Variants in MCCC2 observed in about 807,000 individuals in gnomAD.
MCCC2 encodes methylcrotonoyl-CoA carboxylase beta chain, mitochondrial.
In MCCC2, 52 loss-of-function variants were observed where a neutral mutation model predicts 77.2. The ratio of observed to expected loss-of-function variants is 0.67; its 90% CI spans 0.54 to 0.85. The LOEUF (loss-of-function observed/expected upper bound fraction) is 0.85, where lower values mean the gene tolerates loss of function less well. MCCC2 is among the 40% of genes least tolerant of loss of function. The probability of loss-of-function intolerance (pLI) is 0.00; values close to 1 mark genes in which losing one functional copy is unlikely to be tolerated. For missense variants in MCCC2, 682 were observed against 703.2 expected (o/e 0.97, Z 0.34); for synonymous variants, 253 against 248.4 (o/e 1.02, Z -0.18).
At chr5:71,591,803 A>C (rs1490377437) in intron 1 of MCCC2, among the ~76,000 whole-genome samples, 1 of 152,176 alleles carries the variant, frequency 6.6e-6, no homozygotes, top group Non-Finnish European at 1.5e-5. Context: ...CCCAGGCTGG[A>C]GTACAATGGC....
intron 10 of MCCC2, among the ~76,000 whole-genome samples, chr5:71,636,879 G>T (rs1283020064): frequency 2.6e-5 from 4 of 151,582 alleles, no homozygotes; most frequent in Non-Finnish European, 1.5e-5. Context: ...GAGTAGCTGG[G>T]ATTACAGGCA....
intron 7 of MCCC2, among the ~76,000 whole-genome samples, chr5:71,629,304 T>C (rs920042394): frequency 1.3e-5 from 2 of 152,060 alleles, no homozygotes; most frequent in African/African-American, 4.8e-5. Flanking sequence ...GAAAGTAGAT[T>C]AGTTGTTGCC....
intron 6 of MCCC2, among the ~76,000 whole-genome samples, chr5:71,623,503 A>C (rs1473409724): frequency 6.6e-6 from 1 of 152,182 alleles, no homozygotes; most frequent in Non-Finnish European, 1.5e-5. Flanking sequence ...GACTTCATCA[A>C]AGTGAGAGAG....
chr5:71,587,348 C>G lies in MCCC2; in HGVS notation c.-78C>G. 1 of 1,509,786 alleles carries G rather than the reference C, an allele frequency of 6.6e-7. No individual in the cohort carries two copies. The highest frequency in any genetic ancestry group is 2.5e-5 in the East Asian group (1 of 40,318). 93.5% of individuals were successfully genotyped at this position (1,509,786 alleles called of 1,614,324 possible). ...TGCAAGGACCTGAGCTCAGCTTCCG[C>G]CCCAGCCAGGGAAGCGGCAGGGGAA... On this transcript the variant is annotated 5_prime_UTR_variant, in exon 1 of 17. Transcript: ENST00000340941.
chr5:71,633,125 A>ATTTTTT lies in MCCC2; in HGVS notation c.803+941_803+942insTTTTTT, dbSNP rs1398247533. Among the ~76,000 whole-genome samples, 27 of 42,876 alleles carry ATTTTTT rather than the reference A, an allele frequency of 6.3e-4. 1 individual carries two copies. The South Asian group carries it at 7.9e-3, about 13-fold the overall frequency. 28.1% of individuals were successfully genotyped at this position (42,876 alleles called of 152,430 possible). On this transcript the variant is annotated intron_variant, in intron 8 of 16. Transcript: ENST00000340941. ...TATATATATATATATATATATATATATATATATTTTTATTTTTTGTAGAAA... is the reference window on the plus strand; with the variant it reads ...TATATATATATATATATATATATATATTTTTTTATATATTTTTATTTTTTGTAGAAA...
intron 1 of MCCC2, among the ~76,000 whole-genome samples, chr5:71,590,042 C>G (rs1424004134): frequency 6.6e-6 from 1 of 152,154 alleles, no homozygotes; most frequent in Non-Finnish European, 1.5e-5. Context: ...CAGGCACTAA[C>G]CTCTGTGGTT....
chr5:71,622,646 T>A (rs925966389), intron 6 of MCCC2, among the ~76,000 whole-genome samples: 12 of 152,218 alleles, frequency 7.9e-5, no homozygotes, highest in African/African-American at 2.4e-4. Flanking sequence ...GTTCTGGACA[T>A]TTCATGTAAA....
chr5:71,646,250 C>T lies in MCCC2; in HGVS notation c.1189C>T (p.Pro397Ser). ...FVQLCCQRNI[P>S]LLFLQNITGF... is the part of the protein sequence containing the mutation. Reference sequence around the variant, plus strand: ...CCAGTTATGCTGCCAAAGAAATATTCCTCTGCTGTTCCTTCAAAACATTAC... The same window carrying T: ...CCAGTTATGCTGCCAAAGAAATATTTCTCTGCTGTTCCTTCAAAACATTAC... Residue 397 changes from proline (P) to serine (S), a missense_variant, in exon 13 of 17, where the codon CCT becomes TCT. By Grantham distance (74) the Pro-to-Ser change is moderately conservative. Coordinates refer to ENST00000340941, the MANE Select transcript of MCCC2 (RefSeq NM_022132.5). The T allele has an allele frequency of 6.2e-7, 1 of 1,613,740 alleles. No individual in the cohort carries two copies. Among genetic ancestry groups the T allele is most frequent in the East Asian group, 2.2e-5 (1 of 44,868 alleles).
intron 4 of MCCC2, among the ~76,000 whole-genome samples, chr5:71,600,362 C>T (rs1454678516): frequency 6.6e-6 from 1 of 151,816 alleles, no homozygotes; most frequent in Non-Finnish European, 1.5e-5. Context: ...GTGTCTCGCT[C>T]TGTTGCCTAG....
At chr5:71,594,532 A>AG (rs1234657284) in intron 2 of MCCC2, among the ~76,000 whole-genome samples, 1 of 151,152 alleles carries the variant, frequency 6.6e-6, no homozygotes, top group Admixed American at 6.6e-5. Flanking sequence ...CGTCTCAAAA[A>AG]AAAAAAAAAA....
chr5:71,651,679 G>GGA (rs1376347824), intron 15 of MCCC2, among the ~76,000 whole-genome samples: 1 of 152,142 alleles, frequency 6.6e-6, no homozygotes, highest in African/African-American at 2.4e-5. Flanking sequence ...TCGGAACTCT[G>GGA]GAGACTTACA....
chr5:71,605,375 G>A (rs1333815214), intron 6 of MCCC2, among the ~76,000 whole-genome samples: 3 of 151,834 alleles, frequency 2.0e-5, no homozygotes, highest in African/African-American at 7.3e-5. Context: ...CTGCATAAAT[G>A]TCTTCTTCTG....
intron 7 of MCCC2, among the ~76,000 whole-genome samples, chr5:71,631,233 A>G (rs1263941806): frequency 2.6e-5 from 4 of 152,242 alleles, no homozygotes; most frequent in Non-Finnish European, 4.4e-5. Flanking sequence ...GACAGACATA[A>G]CATGCACATT....
At chr5:71,589,164 G>C (rs1744873035) in intron 1 of MCCC2, among the ~76,000 whole-genome samples, 1 of 152,168 alleles carries the variant, frequency 6.6e-6, no homozygotes, top group Admixed American at 6.5e-5. Flanking sequence ...AGTGGAAGGG[G>C]AAAATGGATG....
chr5:71,605,683 GT>G (rs1745642541), intron 6 of MCCC2, among the ~76,000 whole-genome samples: 1 of 151,762 alleles, frequency 6.6e-6, no homozygotes, highest in African/African-American at 2.4e-5. Context: ...TAATGCCTAG[GT>G]TTTCTTCTAG....
chr5:71,641,665 T>G (rs906536885), intron 11 of MCCC2, among the ~76,000 whole-genome samples: 8 of 152,164 alleles, frequency 5.3e-5, no homozygotes, highest in African/African-American at 1.7e-4. Flanking sequence ...GAAGAAGAGT[T>G]TTTGAGATAG....
intron 2 of MCCC2, among the ~76,000 whole-genome samples, chr5:71,593,348 C>G (rs1161131397): frequency 6.6e-6 from 1 of 152,076 alleles, no homozygotes; most frequent in Admixed American, 6.6e-5. Flanking sequence ...CCTTGGCCTC[C>G]CAAAGTGCTG....
intron 12 of MCCC2, among the ~76,000 whole-genome samples, chr5:71,644,692 A>G (rs1363759705): frequency 6.6e-6 from 1 of 152,114 alleles, no homozygotes; most frequent in African/African-American, 2.4e-5. Flanking sequence ...TATGTTTAGT[A>G]TTGCTTTTTC....
chr5:71,641,453 C>G, intron 11 of MCCC2: 1 of 274,426 alleles, frequency 3.6e-6, no homozygotes, highest in South Asian at 3.9e-5. Flanking sequence ...CTGTCCAATT[C>G]AACGAGGAAG....
Sources: gnomAD v4.1 joint callset for allele counts (sites outside exome capture counted in the v4.1 genomes callset) on GRCh38, gnomAD v4.1.1 for gene constraint, MANE v1.5 for transcripts, NCBI Gene and HGNC (gene_info 2026-07-23, HGNC 2026-07-21) for gene names.